GARNL3: variants seen among roughly 807,000 people sequenced by gnomAD.
The protein encoded by GARNL3 is GTPase-activating Rap/Ran-GAP domain-like protein 3.
Under a neutral mutation model 125.0 loss-of-function variants are expected in GARNL3, and 63 were observed. The ratio of observed to expected loss-of-function variants is 0.50; its 90% confidence interval spans 0.41 to 0.62. GARNL3 has a LOEUF of 0.62. Ranked by LOEUF, GARNL3 falls within the 20% of genes least tolerant of loss-of-function variation. The probability of loss-of-function intolerance (pLI) is 0.00; values close to 1 mark genes in which losing one functional copy is unlikely to be tolerated. For missense variants in GARNL3, 994 were observed against 1,244.0 expected (o/e 0.80, Z 3.02); for synonymous variants, 439 against 457.5 (o/e 0.96, Z 0.52).
intron 1 of GARNL3, among the ~76,000 whole-genome samples, chr9:127,290,523 A>G (rs2064383169): frequency 6.6e-6 from 1 of 152,206 alleles, no homozygotes; most frequent in South Asian, 2.1e-4. Context: ...CTACTGAGAA[A>G]ATCTAGAAGG....
At chr9:127,321,467 G>A (rs958697471) in intron 6 of GARNL3, among the ~76,000 whole-genome samples, 9 of 152,168 alleles carry the variant, frequency 5.9e-5, no homozygotes, top group African/African-American at 2.2e-4. Context: ...AAACGTGGTC[G>A]ATTGAGCTCT....
At chr9:127,225,108 G>A in intron 1 of GARNL3, 1 of 117,082 alleles carries the variant, frequency 8.5e-6, no homozygotes, top group East Asian at 2.7e-4. Flanking sequence ...GCAGGCTGGG[G>A]TTCGGGGCGG....
chr9:127,390,836 C>G, intron 27 of GARNL3, 69 bp downstream of exon 27: 1 of 1,503,392 alleles, frequency 6.7e-7, no homozygotes, highest in East Asian at 2.3e-5. Flanking sequence ...CAGGAGGCCC[C>G]TTCTGGGGAT....
intron 1 of GARNL3, among the ~76,000 whole-genome samples, chr9:127,289,293 T>G (rs1270523925): frequency 6.6e-6 from 1 of 152,212 alleles, no homozygotes; most frequent in African/African-American, 2.4e-5. Flanking sequence ...CTCTCAGGTT[T>G]GATAGTTTGC....
intron 1 of GARNL3, among the ~76,000 whole-genome samples, chr9:127,290,789 C>G (rs993687584): frequency 1.3e-5 from 2 of 152,208 alleles, no homozygotes; most frequent in East Asian, 1.9e-4. Flanking sequence ...ACTAATTGTT[C>G]TTTAGGCTTT....
chr9:127,253,378 C>G (rs2063440045), intron 2 of GARNL3, among the ~76,000 whole-genome samples: 1 of 152,238 alleles, frequency 6.6e-6, no homozygotes, highest in African/African-American at 2.4e-5. Flanking sequence ...CCCCAAAGGA[C>G]TGGCTGGCTT....
upstream of GARNL3, among the ~76,000 whole-genome samples, chr9:127,259,947 C>T (rs1190580918): frequency 2.0e-5 from 3 of 152,112 alleles, no homozygotes; most frequent in Non-Finnish European, 4.4e-5. Context: ...GTAGGAGGAT[C>T]GCTTAAACCC....
intron 1 of GARNL3, among the ~76,000 whole-genome samples, chr9:127,239,031 A>T (rs1301080561): frequency 6.6e-6 from 1 of 152,128 alleles, no homozygotes; most frequent in East Asian, 1.9e-4. Context: ...TCTTCTTACC[A>T]GTCCCACATT....
At chr9:127,271,094 C>A (rs554741662) in intron 1 of GARNL3, among the ~76,000 whole-genome samples, 2 of 150,340 alleles carry the variant, frequency 1.3e-5, no homozygotes, top group South Asian at 4.1e-4. Context: ...ATAGACAAGT[C>A]AGTTTCAAAG....
chr9:127,372,922 G>C (rs922919557), intron 22 of GARNL3, among the ~76,000 whole-genome samples: 5 of 152,190 alleles, frequency 3.3e-5, no homozygotes, highest in African/African-American at 1.2e-4. Context: ...GGCCTACCTA[G>C]CTGTAACCAC....
intron 1 of GARNL3, among the ~76,000 whole-genome samples, chr9:127,225,850 T>TCGCGCCC (rs2062902911): frequency 8.1e-6 from 1 of 124,210 alleles, no homozygotes; most frequent in African/African-American, 3.0e-5. Flanking sequence ...CTTGCGCCCC[T>TCGCGCCC]CTCCCTCGCG....
chr9:127,313,755 G>GA (rs373572237), intron 4 of GARNL3, among the ~76,000 whole-genome samples, 196 bp downstream of exon 4: 1,909 of 146,868 alleles, frequency 0.013, 42 homozygotes, highest in African/African-American at 0.043. Context: ...CTGGCCTTTT[G>GA]AAAAAAAAAA....
rs775693417 is a variant in GARNL3, at chr9:127,325,137, A to G, written c.594+42A>G. On this transcript the variant is annotated intron_variant, in intron 7 of 27. Coordinates refer to ENST00000373387, the MANE Select transcript of GARNL3 (RefSeq NM_032293.5). ...AGATATTTGCACCTGCTCTGCCTCC[A>G]TGTTTGTAAATATATTTCTCCTTTC... The G allele has an allele frequency of 1.7e-5, 27 of 1,579,578 alleles. No individual in the cohort carries two copies. In the South Asian group the frequency reaches 2.9e-4, roughly 17 times the overall value.
chr9:127,326,736 G>A (rs1321851043), intron 7 of GARNL3, among the ~76,000 whole-genome samples: 2 of 152,144 alleles, frequency 1.3e-5, no homozygotes, highest in African/African-American at 2.4e-5. Flanking sequence ...AGGAGGTGGG[G>A]CCTTGGGAAG....
chr9:127,245,049 T>C (rs1410909814), intron 2 of GARNL3, among the ~76,000 whole-genome samples: 1 of 152,128 alleles, frequency 6.6e-6, no homozygotes, highest in East Asian at 1.9e-4. Flanking sequence ...GGTAGCCCCG[T>C]CTTCCCTCTT....
intron 1 of GARNL3, among the ~76,000 whole-genome samples, chr9:127,234,912 A>G (rs1348038664): frequency 9.9e-5 from 15 of 152,090 alleles, no homozygotes; most frequent in Admixed American, 9.8e-4. Context: ...TCTTAATACT[A>G]CCACGTTGGG....
chr9:127,311,968 G>A (rs1454682877), intron 3 of GARNL3, among the ~76,000 whole-genome samples: 2 of 152,098 alleles, frequency 1.3e-5, no homozygotes, highest in Non-Finnish European at 2.9e-5. Context: ...TTTTATCCCT[G>A]GAGAGCTAAA....
chr9:127,329,335 A>G (rs1285238154), intron 7 of GARNL3, among the ~76,000 whole-genome samples: 1 of 152,202 alleles, frequency 6.6e-6, no homozygotes, highest in Non-Finnish European at 1.5e-5. Context: ...GACAACAGAT[A>G]AAACAGATAT....
At chr9:127,295,721 A>G (rs2064568527) in intron 2 of GARNL3, among the ~76,000 whole-genome samples, 2 of 151,896 alleles carry the variant, frequency 1.3e-5, no homozygotes, top group Admixed American at 1.3e-4. Flanking sequence ...GAATTAATGA[A>G]AGCACTTTTT....
Sources: allele counts gnomAD v4.1 joint callset (sites outside exome capture counted in the v4.1 genomes callset), GRCh38; gene constraint gnomAD v4.1.1; transcripts MANE v1.5; gene names NCBI Gene and HGNC (gene_info 2026-07-23, HGNC 2026-07-21).